Variants in DMTF1 observed in about 807,000 individuals in gnomAD.
The protein encoded by DMTF1 is cyclin-D-binding Myb-like transcription factor 1.
Under a neutral mutation model 91.1 loss-of-function variants are expected in DMTF1, and 39 were observed. That is an observed-to-expected ratio of 0.43 (90% CI 0.33 to 0.56). The LOEUF is 0.56. DMTF1 is among the 20% of genes least tolerant of loss of function. DMTF1 has a pLI of 0.05. For missense variants in DMTF1, 750 were observed against 914.5 expected (o/e 0.82, Z 2.32); for synonymous variants, 338 against 309.5 (o/e 1.09, Z -0.97).
intron 12 of DMTF1, chr7:87,187,236 A>T (rs986108713): frequency 6.6e-6 from 1 of 152,156 alleles, no homozygotes; most frequent in Non-Finnish European, 1.5e-5. Flanking sequence ...GTGGTTTTTT[A>T]AAATACCCAG....
In DMTF1 at chr7:87,181,332, A is replaced by C. The variant is rs1797341309; in HGVS notation, c.701A>C (p.Lys234Thr). 4 of 1,285,464 alleles carry C rather than the reference A, an allele frequency of 3.1e-6. No individual in the cohort carries two copies. Among genetic ancestry groups the C allele is most frequent in the Non-Finnish European group, 4.4e-6 (4 of 907,626 alleles). The allele number at this position is 1,285,464 out of a possible 1,614,324, so 79.6% of individuals were successfully genotyped here. A position where few individuals can be genotyped will look rare whatever the true frequency, so the allele number is the denominator to read the frequency against. ...VGKYTPEEIE[K>T]LKELRIKHGN... The stretch of plus-strand genomic sequence containing the variant: ...AGATATACACCTGAAGAAATTGAGA[A>C]GCTCAAGGAGTAAGTTTTAAAGTTT... The change falls in exon 9 of 18, where the codon AAG (lysine) becomes ACG (threonine). Residue 234 changes from lysine to threonine, a missense_variant. By Grantham distance (78) the Lys-to-Thr change is moderately conservative (BLOSUM62 -1). Coordinates refer to ENST00000331242, the MANE Select transcript of DMTF1 (RefSeq NM_001142327.2).
chr7:87,167,163 A>G (rs543365388), intron 4 of DMTF1, among the ~76,000 whole-genome samples: 1 of 152,344 alleles, frequency 6.6e-6, no homozygotes, highest in Admixed American at 6.5e-5. Flanking sequence ...CTTAACCCCA[A>G]TGCCATATTG....
At chr7:87,158,128 G>T (rs906081514) in intron 1 of DMTF1, among the ~76,000 whole-genome samples, 2 of 151,902 alleles carry the variant, frequency 1.3e-5, no homozygotes, top group Admixed American at 1.3e-4. Context: ...GGCAGAAGGT[G>T]TTCTGTATGG....
At position 87,181,314 on chromosome 7, in the gene DMTF1, C is replaced by T; in HGVS notation, c.683C>T (p.Thr228Ile). The part of the protein sequence containing the change: ...YDDRNHVGKY[T>I]PEEIEKLKEL... The stretch of plus-strand genomic sequence containing the variant: ...AAATTTCTCTGAATTTCTAGATATA[C>T]ACCTGAAGAAATTGAGAAGCTCAAG... The change falls in exon 9 of 18, where the codon ACA (threonine) becomes ATA (isoleucine). Residue 228 changes from threonine (T) to isoleucine (I), a missense_variant. Physicochemically the swap from Thr to Ile is moderately conservative, Grantham distance 89. Transcript: ENST00000331242. The T allele has an allele frequency of 7.8e-7, 1 of 1,283,398 alleles. No individual in the cohort carries two copies. Among genetic ancestry groups the T allele is most frequent in the Admixed American group, 2.0e-5 (1 of 49,870 alleles). 79.5% of individuals were successfully genotyped at this position (1,283,398 alleles called of 1,614,324 possible).
chr7:87,189,255 A>G (rs1584449366), intron 13 of DMTF1, among the ~76,000 whole-genome samples: 1 of 152,158 alleles, frequency 6.6e-6, no homozygotes, highest in Admixed American at 6.5e-5. Context: ...CCATATATCC[A>G]TGTACATTGA....
At chr7:87,178,425 TATCAGTGAATCC>T (rs1796690598) in intron 7 of DMTF1, among the ~76,000 whole-genome samples, 2 of 152,070 alleles carry the variant, frequency 1.3e-5, no homozygotes, top group African/African-American at 2.4e-5. Context: ...AAAATCTGAT[TATCAGTGAATCC>T]TAATTTGATA....
At chr7:87,175,294 T>C (rs1279834991) in intron 7 of DMTF1, among the ~76,000 whole-genome samples, 1 of 152,180 alleles carries the variant, frequency 6.6e-6, no homozygotes, top group African/African-American at 2.4e-5. Flanking sequence ...GTGTTGGTAT[T>C]ACAGGCATGA....
chr7:87,175,742 C>G (rs1796135177), intron 7 of DMTF1, among the ~76,000 whole-genome samples: 1 of 152,168 alleles, frequency 6.6e-6, no homozygotes, highest in Non-Finnish European at 1.5e-5. Flanking sequence ...GCCGAAGCAG[C>G]AAGAAATCAA....
rs762274222 is a variant in DMTF1, at chr7:87,194,098, CTGAGG to C, written c.2026_2028+2del. The C allele has an allele frequency of 6.3e-7, 1 of 1,579,018 alleles. No individual in the cohort carries two copies. Among genetic ancestry groups the C allele is most frequent in the Non-Finnish European group, 8.6e-7 (1 of 1,163,264 alleles). On this transcript the variant is annotated splice_donor_variant and coding_sequence_variant, in exon 16 of 18. Coordinates refer to ENST00000331242, the MANE Select transcript of DMTF1 (RefSeq NM_001142327.2). LOFTEE classifies it high-confidence loss of function. ...TCTGATTTAGCCAGTGCTTATGTTA[CTGAGG>C]TAAGTTGTACTTTAAGAACAACTGA... is the stretch of plus-strand genomic sequence containing the variant.
At chr7:87,190,655 AAT>A (rs1799533953) in intron 13 of DMTF1, among the ~76,000 whole-genome samples, 1 of 152,100 alleles carries the variant, frequency 6.6e-6, no homozygotes, top group African/African-American at 2.4e-5. Context: ...AACCACAGAA[AAT>A]ATATAAACCA....
At chr7:87,173,488 TTTTTGTTTTG>T (rs201859268) in intron 5 of DMTF1, 37 bp from the exon 6 acceptor site, 39 of 1,280,844 alleles carry the variant, frequency 3.0e-5, no homozygotes, top group African/African-American at 6.0e-5. Context: ...AGCTGCCATT[TTTTTGTTTTG>T]TTTTGTTTTG....
At chr7:87,166,750 A>G in intron 4 of DMTF1, 145 bp downstream of exon 4, 1 of 774,184 alleles carries the variant, frequency 1.3e-6, no homozygotes, top group Non-Finnish European at 2.2e-6. Flanking sequence ...AGCTAACAAT[A>G]AATACTATGT....
intron 13 of DMTF1, 74 bp downstream of exon 13, chr7:87,188,375 T>C: frequency 6.7e-7 from 1 of 1,490,334 alleles, no homozygotes; most frequent in Non-Finnish European, 9.3e-7. Flanking sequence ...TGTCTTTTGG[T>C]TTTCTAGAAT....
rs1795849406 is a variant in DMTF1 at position 87,174,682 on chromosome 7, A to G, written c.519+13A>G. ...ACGCTATCTTAAGGTATCTTATGGC[A>G]TATTTTTATGTTTCACCAATTTGTT... On this transcript the variant is annotated intron_variant, in intron 7 of 17. Transcript: ENST00000331242. 5.1e-6 allele frequency: 8 copies of G among 1,563,554 alleles called. No individual in the cohort carries two copies. Among genetic ancestry groups the G allele is most frequent in the Middle Eastern group, 1.7e-4 (1 of 5,864 alleles).
At chr7:87,192,669 T>G (rs1322635883) in intron 14 of DMTF1, 1 of 152,194 alleles carries the variant, frequency 6.6e-6, no homozygotes. Context: ...TTATTATACT[T>G]CCTTTAAAAA....
chr7:87,174,459 G>T, intron 6 of DMTF1, 134 bp from the exon 7 acceptor site: 1 of 615,758 alleles, frequency 1.6e-6, no homozygotes. Context: ...AGACCTTTCA[G>T]ATTTCAGAGG....
chr7:87,156,373 A>G (rs1790724388), intron 1 of DMTF1, among the ~76,000 whole-genome samples: 1 of 152,154 alleles, frequency 6.6e-6, no homozygotes, highest in South Asian at 2.1e-4. Flanking sequence ...GACTCCACTA[A>G]CAGCTCTGTT....
chr7:87,172,298 T>C (rs73206960), intron 5 of DMTF1, among the ~76,000 whole-genome samples: 6,032 of 152,284 alleles, frequency 0.04, 156 homozygotes, highest in East Asian at 0.064. Flanking sequence ...AAGTATGACA[T>C]GTAAATAGAG....
intron 17 of DMTF1, 26 bp downstream of exon 17, chr7:87,194,854 T>TG (rs1800893114): frequency 6.3e-7 from 1 of 1,580,248 alleles, no homozygotes; most frequent in African/African-American, 1.4e-5. Context: ...ACTTACTATG[T>TG]GCCTGATAAA....
Sources: gnomAD v4.1 joint callset for allele counts (sites outside exome capture counted in the v4.1 genomes callset) on GRCh38, gnomAD v4.1.1 for gene constraint, MANE v1.5 for transcripts, NCBI Gene and HGNC (gene_info 2026-07-23, HGNC 2026-07-21) for gene names.